CHCHD3: variants seen among roughly 807,000 people sequenced by gnomAD.
CHCHD3 encodes the protein MICOS complex subunit MIC19.
CHCHD3 carries 20 observed loss-of-function variants against 38.2 expected under a neutral mutation model. The ratio of observed to expected loss-of-function variants is 0.52; its 90% CI spans 0.37 to 0.76. The LOEUF is 0.76. Ranked by LOEUF, CHCHD3 falls within the 30% of genes least tolerant of loss-of-function variation. CHCHD3 has a pLI of 0.00. For synonymous variants in CHCHD3, 82 were observed against 100.0 expected, an observed-to-expected ratio of 0.82 and a Z score of 1.07; for missense variants, 245 against 279.2, an observed-to-expected ratio of 0.88 and a Z score of 0.87.
intron 5 of CHCHD3, among the ~76,000 whole-genome samples, chr7:132,883,540 T>G (rs1158117329): frequency 6.6e-6 from 1 of 152,154 alleles, no homozygotes; most frequent in East Asian, 1.9e-4. Flanking sequence ...GTTTTACATT[T>G]TTAAGTGGTT....
At chr7:132,962,661 T>C (rs1384276892) in intron 4 of CHCHD3, among the ~76,000 whole-genome samples, 1 of 152,186 alleles carries the variant, frequency 6.6e-6, no homozygotes, top group Non-Finnish European at 1.5e-5. Context: ...GCATTTTTAG[T>C]TCATGAAAAG....
chr7:132,798,619 C>T (rs10236831), intron 6 of CHCHD3, among the ~76,000 whole-genome samples: 18,947 of 152,108 alleles, frequency 0.12, 1,281 homozygotes, highest in Middle Eastern at 0.18. Flanking sequence ...GATCGTGTCT[C>T]CAATGTGTCT....
intron 3 of CHCHD3, among the ~76,000 whole-genome samples, chr7:132,983,379 C>T (rs1811969668): frequency 6.6e-6 from 1 of 152,078 alleles, no homozygotes. Flanking sequence ...GTACATGGCA[C>T]CATCTGCAGT....
At chr7:132,945,719 G>A (rs1344279710) in intron 4 of CHCHD3, among the ~76,000 whole-genome samples, 1 of 151,880 alleles carries the variant, frequency 6.6e-6, no homozygotes, top group African/African-American at 2.4e-5. Context: ...GAAAAACTAA[G>A]ATACTTAGAT....
At chr7:132,985,088 C>T (rs1297127974) in intron 3 of CHCHD3, among the ~76,000 whole-genome samples, 1 of 97,812 alleles carries the variant, frequency 1.0e-5, no homozygotes, top group Admixed American at 1.0e-4. Flanking sequence ...GGTTAGCCCC[C>T]CGTCCGGCCA....
At chr7:133,041,153 G>A (rs114822362) in intron 2 of CHCHD3, among the ~76,000 whole-genome samples, 1,571 of 152,190 alleles carry the variant, frequency 0.01, 32 homozygotes, top group African/African-American at 0.036. Flanking sequence ...TAGCTTCCCC[G>A]TAACTCAGTT....
chr7:132,830,232 C>T (rs1807609424), intron 6 of CHCHD3, among the ~76,000 whole-genome samples: 1 of 152,152 alleles, frequency 6.6e-6, no homozygotes, highest in Non-Finnish European at 1.5e-5. Flanking sequence ...TAAATATTGG[C>T]ATGCTCCAAA....
chr7:132,998,208 A>G (rs1400404550), intron 3 of CHCHD3, among the ~76,000 whole-genome samples: 2 of 152,222 alleles, frequency 1.3e-5, no homozygotes, highest in Non-Finnish European at 2.9e-5. Context: ...ATGTACTTTG[A>G]CAGAGTTGCA....
At chr7:132,971,385 T>C (rs964271655) in intron 4 of CHCHD3, among the ~76,000 whole-genome samples, 12 of 152,188 alleles carry the variant, frequency 7.9e-5, no homozygotes, top group Non-Finnish European at 1.6e-4. Context: ...AAGGGGCTGG[T>C]ATACTCTTCC....
At chr7:132,854,079 G>A (rs1808285240) in intron 5 of CHCHD3, among the ~76,000 whole-genome samples, 2 of 152,142 alleles carry the variant, frequency 1.3e-5, no homozygotes, top group South Asian at 2.1e-4. Flanking sequence ...CTCATCATTT[G>A]CTAGTAAGAG....
intron 1 of CHCHD3, among the ~76,000 whole-genome samples, chr7:133,074,671 T>A (rs1814924650): frequency 6.6e-6 from 1 of 152,120 alleles, no homozygotes; most frequent in African/African-American, 2.4e-5. Flanking sequence ...AAATATCACT[T>A]CCTCTTAAAG....
intron 4 of CHCHD3, chr7:132,973,579 C>CA: frequency 1.0e-6 from 1 of 994,764 alleles, no homozygotes; most frequent in African/African-American, 1.7e-5. Flanking sequence ...GGGCAGCTGC[C>CA]AGTCAGTCCA....
At chr7:132,988,795 G>T (rs1407526616) in intron 3 of CHCHD3, among the ~76,000 whole-genome samples, 2 of 151,862 alleles carry the variant, frequency 1.3e-5, no homozygotes, top group African/African-American at 2.4e-5. Flanking sequence ...GCACCTGCTT[G>T]TAAGTCCAAG....
chr7:132,841,778 G>A (rs1384277189), intron 5 of CHCHD3, among the ~76,000 whole-genome samples: 5 of 152,146 alleles, frequency 3.3e-5, no homozygotes, highest in South Asian at 4.1e-4. Context: ...AGGTGTGGGC[G>A]TGCAGCTAGT....
At chr7:132,806,398 A>G (rs1266656692) in intron 6 of CHCHD3, among the ~76,000 whole-genome samples, 2 of 152,312 alleles carry the variant, frequency 1.3e-5, no homozygotes, top group South Asian at 2.1e-4. Context: ...ACTGTGGGAC[A>G]AGACCAAGAG....
chr7:132,887,590 A>C (rs1312143117), intron 4 of CHCHD3, among the ~76,000 whole-genome samples: 1 of 151,558 alleles, frequency 6.6e-6, no homozygotes, highest in African/African-American at 2.4e-5. Flanking sequence ...GCACTGAAAA[A>C]AGAAGCCTCA....
chr7:133,042,475 TGTAGGG>T (rs1813860630), intron 2 of CHCHD3, among the ~76,000 whole-genome samples: 1 of 152,198 alleles, frequency 6.6e-6, no homozygotes, highest in African/African-American at 2.4e-5. Context: ...CCCAGAAAGA[TGTAGGG>T]AGCTTGGCAT....
chr7:133,068,111 C>T (rs1272828825), intron 2 of CHCHD3, among the ~76,000 whole-genome samples: 1 of 150,246 alleles, frequency 6.7e-6, no homozygotes, highest in Non-Finnish European at 1.5e-5. Context: ...GAGACTCCAT[C>T]TCAAAAGAAA....
At chr7:132,982,768 G>GTTTATCA (rs1811951360) in intron 3 of CHCHD3, among the ~76,000 whole-genome samples, 1 of 152,016 alleles carries the variant, frequency 6.6e-6, no homozygotes, top group African/African-American at 2.4e-5. Flanking sequence ...GTAAAATTGA[G>GTTTATCA]GCCTACAGAA....
Sources: allele counts gnomAD v4.1 joint callset (sites outside exome capture counted in the v4.1 genomes callset), GRCh38; gene constraint gnomAD v4.1.1; transcripts MANE v1.5; gene names NCBI Gene and HGNC (gene_info 2026-07-23, HGNC 2026-07-21).